The following INPP4B variants were observed in gnomAD, a reference collection of about 807,000 sequenced individuals.
The protein encoded by INPP4B is inositol polyphosphate 4-phosphatase type II.
Under a neutral mutation model 122.5 loss-of-function variants are expected in INPP4B, and 55 were observed. The ratio of observed to expected loss-of-function variants is 0.45; its 90% confidence interval spans 0.36 to 0.56. INPP4B has a LOEUF of 0.56. INPP4B is among the 20% of genes least tolerant of loss of function. The probability of loss-of-function intolerance (pLI) is 0.00; values close to 1 mark genes in which losing one functional copy is unlikely to be tolerated. For synonymous variants in INPP4B, 403 were observed against 388.7 expected, an observed-to-expected ratio of 1.04 and a Z score of -0.43; for missense variants, 1,000 against 1,097.7, an observed-to-expected ratio of 0.91 and a Z score of 1.26.
At chr4:142,343,536 C>T (rs149364296) in intron 7 of INPP4B, among the ~76,000 whole-genome samples, 3 of 151,302 alleles carry the variant, frequency 2.0e-5, no homozygotes, top group African/African-American at 7.3e-5. Flanking sequence ...TTAAATTGGT[C>T]TTTTACCAAA....
chr4:142,689,267 A>C (rs1759809633), intron 2 of INPP4B, among the ~76,000 whole-genome samples: 1 of 152,120 alleles, frequency 6.6e-6, no homozygotes, highest in South Asian at 2.1e-4. Flanking sequence ...AAGGCAAAAA[A>C]CATCACTCTT....
intron 5 of INPP4B, among the ~76,000 whole-genome samples, chr4:142,406,972 A>G (rs927709381): frequency 6.6e-6 from 1 of 151,982 alleles, no homozygotes; most frequent in African/African-American, 2.4e-5. Context: ...CTCCTGCACA[A>G]TGGCACCTCT....
At chr4:142,578,042 A>G (rs904723139) in intron 2 of INPP4B, among the ~76,000 whole-genome samples, 3 of 151,982 alleles carry the variant, frequency 2.0e-5, no homozygotes, top group African/African-American at 7.2e-5. Flanking sequence ...TCTACTCACA[A>G]TCTAGGAGAG....
In INPP4B at chr4:142,206,700, T is replaced by C. The variant is rs10023134; in HGVS notation, c.1072+1725A>G. Among the ~76,000 whole-genome samples the C allele has an allele frequency of 4.4e-3, 672 of 152,204 alleles. 3 individuals carry two copies. Among genetic ancestry groups the C allele is most frequent in the African/African-American group, 0.015 (637 of 41,556 alleles). On this transcript the variant is annotated intron_variant, in intron 14 of 25. Coordinates refer to ENST00000262992, the MANE Select transcript of INPP4B (RefSeq NM_001101669.3). Reference sequence around the variant, plus strand: ...TGACGTTGGACATAAATATATACTCTTTAAACCATTACCACGACTTATGCC... The same window carrying C: ...TGACGTTGGACATAAATATATACTCCTTAAACCATTACCACGACTTATGCC...
intron 1 of INPP4B, among the ~76,000 whole-genome samples, chr4:142,761,265 A>G (rs1316289872): frequency 6.6e-6 from 1 of 151,676 alleles, no homozygotes; most frequent in African/African-American, 2.4e-5. Context: ...CCTCTCGGTC[A>G]TGCTAACAGG....
chr4:142,696,653 A>G (rs1043896798), intron 2 of INPP4B, among the ~76,000 whole-genome samples: 2 of 152,086 alleles, frequency 1.3e-5, no homozygotes, highest in Non-Finnish European at 2.9e-5. Flanking sequence ...CTGCCTTGCC[A>G]TCAGCTACTA....
At chr4:142,489,967 T>G (rs1464527511) in intron 2 of INPP4B, among the ~76,000 whole-genome samples, 1 of 152,204 alleles carries the variant, frequency 6.6e-6, no homozygotes, top group African/African-American at 2.4e-5. Context: ...ATGTTATGTA[T>G]TTTCCCATCA....
chr4:142,307,446 AC>A (rs574065688), intron 8 of INPP4B, among the ~76,000 whole-genome samples: 197 of 152,220 alleles, frequency 1.3e-3, no homozygotes, highest in Non-Finnish European at 2.0e-3. Flanking sequence ...TTTGCTGATA[AC>A]CCCCCACTGC....
intron 1 of INPP4B, among the ~76,000 whole-genome samples, chr4:142,805,594 C>T (rs535660306): frequency 6.6e-6 from 1 of 152,276 alleles, no homozygotes; most frequent in Non-Finnish European, 1.5e-5. Context: ...TCCTTTCCTT[C>T]CTCCTCCTCA....
intron 2 of INPP4B, among the ~76,000 whole-genome samples, chr4:142,523,615 C>G (rs935715562): frequency 6.6e-6 from 1 of 152,056 alleles, no homozygotes; most frequent in African/African-American, 2.4e-5. Flanking sequence ...TTGCTCTCCT[C>G]CTGCTTTTAG....
intron 2 of INPP4B, among the ~76,000 whole-genome samples, chr4:142,486,071 G>T (rs778579858): frequency 1.3e-5 from 2 of 152,084 alleles, no homozygotes; most frequent in Non-Finnish European, 2.9e-5. Context: ...AGGAAGACAA[G>T]AAGTGCCGAT....
chr4:142,044,555 A>G (rs1387762683), intron 25 of INPP4B, among the ~76,000 whole-genome samples: 3 of 152,128 alleles, frequency 2.0e-5, no homozygotes, highest in Non-Finnish European at 4.4e-5. Flanking sequence ...GAATGAAGAA[A>G]TGGAAGGCAG....
chr4:142,819,872 G>C (rs889852862), intron 1 of INPP4B, among the ~76,000 whole-genome samples: 1 of 151,992 alleles, frequency 6.6e-6, no homozygotes, highest in Non-Finnish European at 1.5e-5. Context: ...GTGGCTTATG[G>C]TGTGTTTCAT....
chr4:142,252,390 G>T (rs1024310121), intron 11 of INPP4B, among the ~76,000 whole-genome samples: 15 of 151,742 alleles, frequency 9.9e-5, no homozygotes, highest in Non-Finnish European at 1.9e-4. Flanking sequence ...GGGTTTCGCC[G>T]TGTTAGCCAG....
At chr4:142,251,063 A>G (rs150244496) in intron 11 of INPP4B, among the ~76,000 whole-genome samples, 4 of 152,312 alleles carry the variant, frequency 2.6e-5, no homozygotes, top group Admixed American at 6.5e-5. Context: ...TGGCACAACT[A>G]TGGAGAGGTA....
intron 2 of INPP4B, among the ~76,000 whole-genome samples, chr4:142,564,881 T>C (rs1731300913): frequency 2.0e-5 from 3 of 152,054 alleles, no homozygotes; most frequent in South Asian, 2.1e-4. Context: ...CTTAAATCAG[T>C]CTCTGGTATG....
At chr4:142,546,955 T>C (rs976228994) in intron 2 of INPP4B, among the ~76,000 whole-genome samples, 7 of 152,148 alleles carry the variant, frequency 4.6e-5, no homozygotes, top group Admixed American at 1.3e-4. Flanking sequence ...TATTTTATGC[T>C]CTTTTTCAAA....
intron 2 of INPP4B, among the ~76,000 whole-genome samples, chr4:142,545,930 AT>A (rs977058706): frequency 2.0e-5 from 3 of 151,560 alleles, no homozygotes; most frequent in Non-Finnish European, 2.9e-5. Context: ...TTTTTTATAC[AT>A]TTTTTTAATT....
intron 2 of INPP4B, among the ~76,000 whole-genome samples, chr4:142,685,081 T>C (rs1345193462): frequency 1.3e-5 from 2 of 152,064 alleles, no homozygotes; most frequent in Admixed American, 1.3e-4. Flanking sequence ...GACTTAAGTA[T>C]GTCCTCAATA....
Sources: gnomAD v4.1 joint callset for allele counts (sites outside exome capture counted in the v4.1 genomes callset) on GRCh38, gnomAD v4.1.1 for gene constraint, MANE v1.5 for transcripts, NCBI Gene and HGNC (gene_info 2026-07-23, HGNC 2026-07-21) for gene names.